The following PTPRD variants were observed in gnomAD, a reference collection of about 807,000 sequenced individuals.
The protein encoded by PTPRD is protein tyrosine phosphatase receptor type D, also known as receptor-type tyrosine-protein phosphatase delta.
In PTPRD, 34 loss-of-function variants were observed where a neutral mutation model predicts 214.5. The observed-to-expected ratio is 0.16, with a 90% CI of 0.12 to 0.21. The LOEUF is 0.21. Ranked by LOEUF, PTPRD falls within the 10% of genes least tolerant of loss-of-function variation. The pLI is 1.00. For synonymous variants in PTPRD, 1,128 were observed against 845.7 expected, an observed-to-expected ratio of 1.33 and a Z score of -5.79; for missense variants, 2,545 against 2,398.7, an observed-to-expected ratio of 1.06 and a Z score of -1.27.
chr9:8,324,050 C>G (rs922518586), intron 44 of PTPRD, among the ~76,000 whole-genome samples: 2 of 152,020 alleles, frequency 1.3e-5, no homozygotes, highest in Non-Finnish European at 2.9e-5. Flanking sequence ...AGGCAAGACC[C>G]TCAACCAGCA....
At chr9:9,445,508 T>C (rs574098674) in intron 8 of PTPRD, among the ~76,000 whole-genome samples, 2 of 152,236 alleles carry the variant, frequency 1.3e-5, no homozygotes, top group East Asian at 3.9e-4. Flanking sequence ...AATTGACTCA[T>C]AGTTCTGCAT....
chr9:8,340,519 C>T (rs1304745606), intron 41 of PTPRD, 50 bp from the exon 42 acceptor site: 1 of 1,476,696 alleles, frequency 6.8e-7, no homozygotes, highest in Admixed American at 1.8e-5. Flanking sequence ...AGAGAACATG[C>T]AAAAGCTCAC....
In PTPRD at chr9:10,022,300, G is replaced by A. The variant is rs577085611; in HGVS notation, c.-472+11418C>T. On this transcript the variant is annotated intron_variant, in intron 4 of 45. Coordinates refer to ENST00000381196, the MANE Select transcript of PTPRD (RefSeq NM_002839.4). ...TTGAACTTTCTTCCTTGTTATGTTC[G>A]ATGATAAACCCCTCTAACATAAGGC... 3.4e-5 allele frequency among the ~76,000 whole-genome samples: 4 copies of A among 116,380 alleles called. No homozygotes were observed. In the East Asian group the frequency reaches 9.9e-4, roughly 29 times the overall value. 76.3% of individuals were successfully genotyped at this position (116,380 alleles called of 152,430 possible).
At chr9:8,430,189 T>A (rs373225783) in intron 35 of PTPRD, among the ~76,000 whole-genome samples, 9 of 152,196 alleles carry the variant, frequency 5.9e-5, no homozygotes, top group East Asian at 1.9e-4. Context: ...GAGGACCACA[T>A]TGGGAACTAG....
At chr9:9,338,225 T>C (rs183092476) in intron 9 of PTPRD, among the ~76,000 whole-genome samples, 4 of 152,330 alleles carry the variant, frequency 2.6e-5, no homozygotes, top group East Asian at 1.9e-4. Flanking sequence ...ATTCTTGCTG[T>C]ATCATATTTA....
chr9:9,056,679 G>C (rs1310844174), intron 10 of PTPRD, among the ~76,000 whole-genome samples: 2 of 152,152 alleles, frequency 1.3e-5, no homozygotes, highest in African/African-American at 4.8e-5. Context: ...GGCTGAATAA[G>C]GTTGTGCTTA....
At chr9:10,184,523 C>G (rs569866039) in intron 3 of PTPRD, among the ~76,000 whole-genome samples, 1 of 152,200 alleles carries the variant, frequency 6.6e-6, no homozygotes, top group South Asian at 2.1e-4. Flanking sequence ...CTGTGAATCC[C>G]CAGCCCTAGC....
chr9:8,548,342 T>C (rs2080901208), intron 14 of PTPRD, among the ~76,000 whole-genome samples: 1 of 152,106 alleles, frequency 6.6e-6, no homozygotes, highest in Non-Finnish European at 1.5e-5. Context: ...GGGGTTCATG[T>C]GTTAGGTTGT....
At chr9:10,392,607 A>G (rs1356939817) in intron 2 of PTPRD, among the ~76,000 whole-genome samples, 1 of 151,892 alleles carries the variant, frequency 6.6e-6, no homozygotes, top group Non-Finnish European at 1.5e-5. Flanking sequence ...AAAGATGGCT[A>G]CACAATATAA....
At chr9:9,200,181 C>A (rs2099941041) in intron 9 of PTPRD, among the ~76,000 whole-genome samples, 2 of 152,156 alleles carry the variant, frequency 1.3e-5, no homozygotes, top group Non-Finnish European at 2.9e-5. Context: ...CAAACAAAAA[C>A]AAAACAAAAC....
chr9:9,436,811 T>G (rs1209078520), intron 8 of PTPRD, among the ~76,000 whole-genome samples: 2 of 152,136 alleles, frequency 1.3e-5, no homozygotes, highest in African/African-American at 4.8e-5. Context: ...CCGCAGAATT[T>G]TCCACACTGG....
At chr9:8,428,509 A>G (rs905472992) in intron 35 of PTPRD, among the ~76,000 whole-genome samples, 1 of 152,186 alleles carries the variant, frequency 6.6e-6, no homozygotes, top group African/African-American at 2.4e-5. Flanking sequence ...AAAAATACTT[A>G]GAAATGGAGG....
At chr9:9,476,193 C>G (rs2095028710) in intron 8 of PTPRD, among the ~76,000 whole-genome samples, 1 of 152,136 alleles carries the variant, frequency 6.6e-6, no homozygotes, top group Non-Finnish European at 1.5e-5. Flanking sequence ...GTTCAGCCGG[C>G]TGACTCCTAG....
intron 3 of PTPRD, among the ~76,000 whole-genome samples, chr9:10,204,167 G>A (rs183054674): frequency 1.6e-4 from 25 of 152,176 alleles, no homozygotes; most frequent in Non-Finnish European, 2.8e-4. Flanking sequence ...AGATTTGAAT[G>A]TTCTTCCTTG....
chr9:8,965,381 GAA>G (rs34169157), intron 11 of PTPRD, among the ~76,000 whole-genome samples: 3 of 126,914 alleles, frequency 2.4e-5, no homozygotes, highest in African/African-American at 8.5e-5. Context: ...CTCTGCTTCA[GAA>G]AAAAAAAAAA....
chr9:9,819,567 C>G (rs1425165021), intron 5 of PTPRD, among the ~76,000 whole-genome samples: 2 of 152,030 alleles, frequency 1.3e-5, no homozygotes, highest in Non-Finnish European at 1.5e-5. Flanking sequence ...TACCTGTGTA[C>G]GTTGTGTGAT....
chr9:9,142,751 G>T (rs1048348954), intron 10 of PTPRD, among the ~76,000 whole-genome samples: 1 of 152,114 alleles, frequency 6.6e-6, no homozygotes, highest in African/African-American at 2.4e-5. Flanking sequence ...TTTTCTGGTG[G>T]TTTTTATTTT....
In PTPRD at chr9:8,680,880, C is replaced by A. The variant is rs146170885; in HGVS notation, c.65-44036G>T. Reference sequence around the variant, plus strand: ...ATCCAACATGTAGTCGAATGATTGGCCTCACGGGACTGATTTGAGTTTCAG... The same window carrying A: ...ATCCAACATGTAGTCGAATGATTGGACTCACGGGACTGATTTGAGTTTCAG... On this transcript the variant is annotated intron_variant, in intron 12 of 45. Coordinates refer to ENST00000381196, the MANE Select transcript of PTPRD (RefSeq NM_002839.4). Among the ~76,000 whole-genome samples the A allele has an allele frequency of 7.4e-3, 1,122 of 152,272 alleles. 8 individuals are homozygous for A. Among genetic ancestry groups the A allele is most frequent in the African/African-American group, 0.025 (1,048 of 41,558 alleles).
chr9:9,974,013 G>A (rs1377022628), intron 4 of PTPRD, among the ~76,000 whole-genome samples: 2 of 152,074 alleles, frequency 1.3e-5, no homozygotes, highest in Non-Finnish European at 2.9e-5. Context: ...TCCCATCATA[G>A]GAATTTAGAA....
Sources: gnomAD v4.1 joint callset for allele counts (sites outside exome capture counted in the v4.1 genomes callset) on GRCh38, gnomAD v4.1.1 for gene constraint, MANE v1.5 for transcripts, NCBI Gene and HGNC (gene_info 2026-07-23, HGNC 2026-07-21) for gene names.